The following MYO15B variants were observed in gnomAD, a reference collection of about 807,000 sequenced individuals.
The protein encoded by MYO15B is myosin XVB pseudogene.
MYO15B carries 207 observed loss-of-function variants against 119.3 expected under a neutral mutation model. The ratio of observed to expected loss-of-function variants is 1.73; its 90% confidence interval spans 1.55 to 1.95. The LOEUF is 1.95. MYO15B is among the 30% of genes most tolerant of loss of function. The pLI, the probability that MYO15B is intolerant of heterozygous loss-of-function variation, is 0.00. For missense variants in MYO15B, 2,264 were observed against 1,203.1 expected, an observed-to-expected ratio of 1.88 and a Z score of -13.04; for synonymous variants, 966 against 498.9, an observed-to-expected ratio of 1.94 and a Z score of -12.48.
chr17:75,597,687 G>A (rs1170321927), intron 14 of MYO15B, among the ~76,000 whole-genome samples: 1 of 152,208 alleles, frequency 6.6e-6, no homozygotes, highest in Non-Finnish European at 1.5e-5. Context: ...AACTTTGGGA[G>A]GCCAAGGTGG....
exon 30 of MYO15B, chr17:75,614,254 T>A (rs746134769): frequency 2.0e-5 from 14 of 702,644 alleles, no homozygotes; most frequent in Non-Finnish European, 3.4e-5. Flanking sequence ...CAGGGACGCA[T>A]GGCAGGACTT....
In MYO15B at chr17:75,619,069, A is replaced by G. The variant is rs557954338; in HGVS notation, c.6988-74A>G. ...CATCGGCCTCCTCAGGTTTTCCTTC[A>G]TGCATGTGGATGGCTGCTCTGGGGG... On this transcript the variant is annotated intron_variant, in intron 43 of 63. Coordinates refer to ENST00000645453, the Ensembl canonical transcript of MYO15B. 5.7e-6 allele frequency: 4 copies of G among 699,258 alleles called. No individual in the cohort carries two copies. In the African/African-American group the frequency reaches 7.0e-5, roughly 12 times the overall value. The allele number at this position is 699,258 out of a possible 1,614,324, so 43.3% of individuals were successfully genotyped here. A position where few individuals can be genotyped will look rare whatever the true frequency, so the allele number is the denominator to read the frequency against.
At chr17:75,611,949 C>T (rs1403511452) in exon 25 of MYO15B, 5 of 702,882 alleles carry the variant, frequency 7.1e-6, no homozygotes, top group South Asian at 1.5e-5. Context: ...CCTGCCCGGC[C>T]CAGCCTGACT....
chr17:75,620,579 C>T (rs992987405), exon 49 of MYO15B: 18 of 702,720 alleles, frequency 2.6e-5, no homozygotes, highest in African/African-American at 3.5e-5. Flanking sequence ...GTGGCTGGCA[C>T]AAGGGTCAGC....
chr17:75,614,676 C>T (rs1047239974), exon 31 of MYO15B: 16 of 701,808 alleles, frequency 2.3e-5, no homozygotes, highest in African/African-American at 2.1e-4. Context: ...CCAGCAGGGA[C>T]CACACAGGTA....
intron 59 of MYO15B, 44 bp downstream of exon 59, chr17:75,624,960 C>T (rs574557912): frequency 3.6e-5 from 25 of 694,852 alleles, no homozygotes; most frequent in Admixed American, 1.4e-4. Context: ...TTTGAGGGCG[C>T]GGCTTCCTGC....
chr17:75,592,789 T>C, exon 9 of MYO15B: 1 of 702,770 alleles, frequency 1.4e-6, no homozygotes, highest in Non-Finnish European at 2.6e-6. Flanking sequence ...CCGTCTGGGC[T>C]GTGCTGGCCG....
exon 1 of MYO15B, among the ~76,000 whole-genome samples, chr17:75,587,838 C>T (rs2056167109): frequency 6.6e-6 from 1 of 152,262 alleles, no homozygotes; most frequent in South Asian, 2.1e-4. Flanking sequence ...CTCCTGTTTC[C>T]TGGGCGCCTC....
At chr17:75,604,026 G>A (rs1318577145) in intron 19 of MYO15B, among the ~76,000 whole-genome samples, 1 of 152,200 alleles carries the variant, frequency 6.6e-6, no homozygotes, top group East Asian at 1.9e-4. Flanking sequence ...CCAGGGCTCT[G>A]TGGACCTCCT....
Position 75,624,928 on chromosome 17 carries a change from T to C in MYO15B, c.8688+12T>C, listed in dbSNP as rs948871705. 8.6e-6 allele frequency: 6 copies of C among 701,704 alleles called. No homozygotes were observed. Among genetic ancestry groups the C allele is most frequent in the Admixed American group, 4.0e-5 (2 of 49,954 alleles). The allele number at this position is 701,704 out of a possible 1,614,324, so 43.5% of individuals were successfully genotyped here. A position where few individuals can be genotyped will look rare whatever the true frequency, so the allele number is the denominator to read the frequency against. The stretch of plus-strand genomic sequence containing the variant: ...CCCACTACAGCCAGGTCAGCCTGCC[T>C]GCCTCCGAGCTGCTGCTGCAGTTTG... On this transcript the variant is annotated intron_variant, in intron 59 of 63. Coordinates refer to ENST00000645453, the Ensembl canonical transcript of MYO15B.
intron 40 of MYO15B, 35 bp downstream of exon 40, chr17:75,616,996 G>A: frequency 1.4e-6 from 1 of 702,412 alleles, no homozygotes; most frequent in Non-Finnish European, 2.6e-6. Flanking sequence ...CAGAGTGTGT[G>A]CTGCTGCACT....
In MYO15B at chr17:75,589,571, C is replaced by A; in HGVS notation, c.1514C>A (p.Ala505Glu). ...CTAGCGTTGCGCCTGGCTGGCTTAGCAGGGCTGGGGGGTATGCCGAGGGCT... is the reference window on the plus strand; with the variant it reads ...CTAGCGTTGCGCCTGGCTGGCTTAGAAGGGCTGGGGGGTATGCCGAGGGCT... Residue 505 changes from alanine to glutamate, a missense_variant, in exon 1 of 64, where the codon GCA (alanine) becomes GAA (glutamate). Physicochemically the swap from Ala to Glu is moderately radical, Grantham distance 107 (BLOSUM62 -1). Coordinates refer to ENST00000645453, the Ensembl canonical transcript of MYO15B. The surrounding 1 kb of genome is among the most constrained non-coding windows in gnomAD (Gnocchi z 4.2). The A allele has an allele frequency of 2.5e-6, 1 of 398,832 alleles. No individual in the cohort carries two copies. The highest frequency in any genetic ancestry group is 4.4e-6 in the Non-Finnish European group (1 of 226,114). The allele number at this position is 398,832 out of a possible 1,614,324, so 24.7% of individuals were successfully genotyped here.
intron 3 of MYO15B, 35 bp from the exon 4 acceptor site, chr17:75,591,137 G>A: frequency 1.4e-6 from 1 of 702,754 alleles, no homozygotes; most frequent in Non-Finnish European, 2.6e-6. Context: ...AGGGTCCCAG[G>A]TCCCCATGTC....
At chr17:75,593,626 A>AC (rs59343394) in intron 9 of MYO15B, among the ~76,000 whole-genome samples, 2,864 of 150,108 alleles carry the variant, frequency 0.019, 85 homozygotes, top group African/African-American at 0.065. Context: ...AAAAAAAAAA[A>AC]AAAACAAAAC....
At chr17:75,601,678 G>C (rs2057294973) in intron 15 of MYO15B, 115 bp downstream of exon 15, 1 of 638,710 alleles carries the variant, frequency 1.6e-6, no homozygotes, top group African/African-American at 1.8e-5. Context: ...GCAAGGCTTG[G>C]ACACCTGTCC....
chr17:75,596,708 C>A lies in MYO15B; in HGVS notation c.3394-60C>A, dbSNP rs1238266619. On this transcript the variant is annotated intron_variant, in intron 13 of 63. Transcript: ENST00000645453. Reference sequence around the variant, plus strand: ...GTCTTCTGAGCCTCAATGTACTATTCTATAAGATGGGAGGGTTATCCCTGC... The same window carrying A: ...GTCTTCTGAGCCTCAATGTACTATTATATAAGATGGGAGGGTTATCCCTGC... The A allele has an allele frequency of 8.8e-6, 6 of 678,116 alleles. No homozygotes were observed. The East Asian group carries it at 1.3e-4, about 15-fold the overall frequency. The allele number at this position is 678,116 out of a possible 1,614,324, so 42.0% of individuals were successfully genotyped here.
exon 39 of MYO15B, chr17:75,616,561 A>C: frequency 1.4e-6 from 1 of 703,078 alleles, no homozygotes; most frequent in South Asian, 1.5e-5. Context: ...TGAAGAAGCC[A>C]TTGAAGCAAG....
At chr17:75,598,614 C>A (rs895092559) in intron 14 of MYO15B, among the ~76,000 whole-genome samples, 9 of 151,816 alleles carry the variant, frequency 5.9e-5, no homozygotes, top group South Asian at 2.1e-4. Context: ...TGATCACTGT[C>A]ATATTAATGC....
intron 52 of MYO15B, chr17:75,621,803 T>C: frequency 1.6e-6 from 1 of 606,652 alleles, no homozygotes. Context: ...GAGGATGCTA[T>C]GTGCTGTGTG....
Sources: gnomAD v4.1 joint callset for allele counts (sites outside exome capture counted in the v4.1 genomes callset) on GRCh38, gnomAD v4.1.1 for gene constraint, Gnocchi (gnomAD v3.1) non-coding constraint, MANE v1.5 for transcripts, NCBI Gene and HGNC (gene_info 2026-07-23, HGNC 2026-07-21) for gene names.